The following IKBKB variants were observed in gnomAD, a reference collection of about 807,000 sequenced individuals.
The protein encoded by IKBKB is inhibitor of nuclear factor kappa B kinase subunit beta.
IKBKB carries 42 observed loss-of-function variants against 113.6 expected under a neutral mutation model. The ratio of observed to expected loss-of-function variants is 0.37; its 90% CI spans 0.29 to 0.48. The LOEUF is 0.48. Among genes scored for constraint, IKBKB ranks in the 20% least tolerant of loss-of-function variants. The pLI, the probability that IKBKB is intolerant of heterozygous loss-of-function variation, is 0.99. For missense variants in IKBKB, 673 were observed against 939.7 expected (o/e 0.72, Z 3.71); for synonymous variants, 296 against 361.3 (o/e 0.82, Z 2.05).
chr8:42,278,236 C>G (rs1426714538), intron 2 of IKBKB, among the ~76,000 whole-genome samples: 2 of 152,158 alleles, frequency 1.3e-5, no homozygotes, highest in African/African-American at 4.8e-5. Context: ...GTGGGCAAGA[C>G]TGAAGGCCAG....
intron 9 of IKBKB, among the ~76,000 whole-genome samples, chr8:42,315,426 A>T (rs1818487891): frequency 1.3e-5 from 2 of 152,144 alleles, no homozygotes; most frequent in Admixed American, 1.3e-4. Context: ...AAGGGGAAAG[A>T]TTGAGGTGAG....
Position 42,331,454 on chromosome 8 carries a change from C to T in IKBKB, c.*475C>T, listed in dbSNP as rs1449879928. The T allele has an allele frequency of 1.1e-5, 8 of 701,180 alleles. No individual in the cohort carries two copies. Among genetic ancestry groups the T allele is most frequent in the Admixed American group, 2.0e-5 (1 of 49,964 alleles). The allele number at this position is 701,180 out of a possible 1,614,324, so 43.4% of individuals were successfully genotyped here. A position where few individuals can be genotyped will look rare whatever the true frequency, so the allele number is the denominator to read the frequency against. On this transcript the variant is annotated 3_prime_UTR_variant, in exon 22 of 22. Transcript: ENST00000520810. The stretch of plus-strand genomic sequence containing the variant: ...TGACAGCCTGTCCTCTCCTGCTCTC[C>T]AAAGGCCCTGCTCCCTGTCCTCTCT...
intron 2 of IKBKB, among the ~76,000 whole-genome samples, chr8:42,278,074 G>A (rs987676547): frequency 6.6e-6 from 1 of 152,212 alleles, no homozygotes; most frequent in African/African-American, 2.4e-5. Context: ...TTCCGTTGGG[G>A]TGGGATCAGT....
chr8:42,276,966 A>T (rs1404918362), intron 2 of IKBKB, among the ~76,000 whole-genome samples: 1 of 143,932 alleles, frequency 6.9e-6, no homozygotes, highest in Non-Finnish European at 1.5e-5. Context: ...TCCCGGGTTC[A>T]TGCCATTCTC....
intron 8 of IKBKB, 191 bp from the exon 9 acceptor site, chr8:42,314,131 G>T: frequency 1.7e-6 from 1 of 588,132 alleles, no homozygotes; most frequent in African/African-American, 1.9e-5. Flanking sequence ...ATTCAGTACC[G>T]GAGCATGCTG....
intron 21 of IKBKB, chr8:42,330,382 T>TG: frequency 1.1e-6 from 1 of 886,460 alleles, no homozygotes; most frequent in Non-Finnish European, 1.4e-6. Flanking sequence ...GCCTGGGTCT[T>TG]GCTATGTTGC....
chr8:42,320,833 G>A lies in IKBKB; in HGVS notation c.1677G>A (p.Thr559=), dbSNP rs143855451. The change falls in exon 16 of 22, where the codon ACG becomes ACA. Residue 559 remains threonine (T), a synonymous_variant. Coordinates refer to ENST00000520810, the MANE Select transcript of IKBKB (RefSeq NM_001556.3). ...RSPMGRKQGG[T]LDDLEEQARE... ...CCATGGGCCGGAAGCAGGGGGGAAC[G>A]CTGGACGACCTGTGAGTACTGGCTG... 1.5e-5 allele frequency: 24 copies of A among 1,592,036 alleles called. No homozygotes were observed. In the South Asian group the frequency reaches 2.3e-4, roughly 15 times the overall value.
intron 5 of IKBKB, among the ~76,000 whole-genome samples, chr8:42,294,677 A>C (rs1324917311): frequency 1.3e-5 from 2 of 152,256 alleles, no homozygotes; most frequent in East Asian, 3.8e-4. Context: ...TGGAGTTCAC[A>C]TGGAGGATAC....
At chr8:42,290,089 G>A in intron 3 of IKBKB, 67 bp from the exon 4 acceptor site, 2 of 1,079,538 alleles carry the variant, frequency 1.9e-6, no homozygotes, top group Non-Finnish European at 2.9e-6. Context: ...CTGAGACCTG[G>A]TGGGGGTGGT....
At chr8:42,299,136 C>G (rs1030346049) in intron 5 of IKBKB, among the ~76,000 whole-genome samples, 1 of 152,188 alleles carries the variant, frequency 6.6e-6, no homozygotes, top group African/African-American at 2.4e-5. Context: ...TCAGCCAGGT[C>G]CCTCCTGCCA....
chr8:42,272,312 C>T, intron 2 of IKBKB, 107 bp downstream of exon 2: 1 of 1,475,016 alleles, frequency 6.8e-7, no homozygotes, highest in Non-Finnish European at 9.4e-7. Context: ...TGGCTTTGGT[C>T]ATCTTGGGAC....
chr8:42,316,879 C>T lies in IKBKB; in HGVS notation c.1100C>T (p.Ala367Val). Residue 367 changes from alanine to valine, a missense_variant, in exon 11 of 22, where the codon GCC becomes GTC. This residue lies in a region of IKBKB where 506 missense variants were observed against 638.7 expected (regional missense o/e 0.79). Transcript: ENST00000520810. This position sits in a 1 kb window ranked among gnomAD's most constrained non-coding sequence, Gnocchi z 4.5. ...AGLALIPDKP[A>V]TQCISDGKLN... ...CTGGCGTTGATCCCCGATAAGCCTG[C>T]CACTCAGTGTATTTCAGACGGCAAG... 1 of 1,614,082 alleles carries T rather than the reference C, an allele frequency of 6.2e-7. No homozygotes were observed. The highest frequency in any genetic ancestry group is 8.5e-7 in the Non-Finnish European group (1 of 1,179,996).
intron 2 of IKBKB, chr8:42,272,444 C>T: frequency 1.7e-6 from 1 of 605,722 alleles, no homozygotes; most frequent in East Asian, 2.7e-5. Flanking sequence ...AGCTCTTAGT[C>T]TCTATTATAT....
Position 42,327,806 on chromosome 8 carries a change from A to ATTTTTTTTTTTTTTTTTTTT in IKBKB, c.2115-1303_2115-1302insTTTTTTTTTTTTTTTTTTTT, listed in dbSNP as rs1285987849. On this transcript the variant is annotated intron_variant, in intron 20 of 21. Transcript: ENST00000520810. Reference sequence around the variant, plus strand: ...AGCCACCAGGCCTGGCTAATTTTGTATTTTTTTTTTTTTTTGAGACGGAGT... The same window carrying ATTTTTTTTTTTTTTTTTTTT: ...AGCCACCAGGCCTGGCTAATTTTGTATTTTTTTTTTTTTTTTTTTTTTTTTTTTTTTTTTTGAGACGGAGT... Among the ~76,000 whole-genome samples the ATTTTTTTTTTTTTTTTTTTT allele has an allele frequency of 3.4e-4, 5 of 14,676 alleles. 2 individuals are homozygous for ATTTTTTTTTTTTTTTTTTTT. Among genetic ancestry groups the ATTTTTTTTTTTTTTTTTTTT allele is most frequent in the African/African-American group, 6.3e-4 (5 of 7,908 alleles). 9.6% of individuals were successfully genotyped at this position (14,676 alleles called of 152,430 possible).
At position 42,316,149 on chromosome 8, in the gene IKBKB, G is replaced by T. The variant is rs1021577183; in HGVS notation, c.801-61G>T. 6.3e-7 allele frequency: 1 copy of T among 1,582,878 alleles called. No individual in the cohort carries two copies. Among genetic ancestry groups the T allele is most frequent in the African/African-American group, 1.3e-5 (1 of 74,290 alleles). On this transcript the variant is annotated intron_variant, in intron 9 of 21. Transcript: ENST00000520810. This position sits in a 1 kb window ranked among gnomAD's most constrained non-coding sequence, Gnocchi z 4.5. ...GCCGTCTGTGTGTATACTGGGAGAC[G>T]CACACTGTAGCCCAACATTGGCTGG...
chr8:42,310,384 C>G (rs1817481914), intron 8 of IKBKB, among the ~76,000 whole-genome samples: 1 of 152,188 alleles, frequency 6.6e-6, no homozygotes, highest in Non-Finnish European at 1.5e-5. Context: ...GTTTTCATAT[C>G]TTCCAAGGTG....
rs1818649860 is a variant in IKBKB, at chr8:42,316,181, C to T, written c.801-29C>T. 1.2e-6 allele frequency: 2 copies of T among 1,610,648 alleles called. No individual in the cohort carries two copies. Among genetic ancestry groups the T allele is most frequent in the East Asian group, 4.5e-5 (2 of 44,822 alleles). On this transcript the variant is annotated intron_variant, in intron 9 of 21. Transcript: ENST00000520810. This position sits in a 1 kb window ranked among gnomAD's most constrained non-coding sequence, Gnocchi z 4.5. The stretch of plus-strand genomic sequence containing the variant: ...GTAGCCCAACATTGGCTGGAAGTGT[C>T]TCCTCACACACTATGCTCCTCTCCA...
At chr8:42,329,871 A>G (rs1057429900) in intron 21 of IKBKB, 55 of 985,320 alleles carry the variant, frequency 5.6e-5, no homozygotes, top group Non-Finnish European at 6.5e-5. Context: ...AGATCTTTAC[A>G]TGGCCTTTAC....
Position 42,331,215 on chromosome 8 carries a change from C to T in IKBKB, c.*236C>T, listed in dbSNP as rs1354287740. 2.7e-6 allele frequency: 2 copies of T among 737,336 alleles called. No homozygotes were observed. The highest frequency in any genetic ancestry group is 4.8e-6 in the Non-Finnish European group (2 of 418,122). 45.7% of individuals were successfully genotyped at this position (737,336 alleles called of 1,614,324 possible). ...TTTCACCCAGGACCCAGGACGCAGC[C>T]CTCCGTGGGCACTGCCGGCGCCTTG... On this transcript the variant is annotated 3_prime_UTR_variant, in exon 22 of 22. Coordinates refer to ENST00000520810, the MANE Select transcript of IKBKB (RefSeq NM_001556.3).
Sources: allele counts gnomAD v4.1 joint callset (sites outside exome capture counted in the v4.1 genomes callset), GRCh38; gene constraint gnomAD v4.1.1; regional missense constraint gnomAD v4.1.1; non-coding constraint Gnocchi (gnomAD v3.1); transcripts MANE v1.5; gene names NCBI Gene and HGNC (gene_info 2026-07-23, HGNC 2026-07-21).